XPOT: variants seen among roughly 807,000 people sequenced by gnomAD.
XPOT encodes exportin-T.
In XPOT, 34 loss-of-function variants were observed where a neutral mutation model predicts 128.2. That is an observed-to-expected ratio of 0.27 (90% CI 0.20 to 0.35). XPOT has a LOEUF of 0.35. Ranked by LOEUF, XPOT falls within the 10% of genes least tolerant of loss-of-function variation. The pLI, the probability that XPOT is intolerant of heterozygous loss-of-function variation, is 1.00. For synonymous variants in XPOT, 348 were observed against 394.3 expected, an observed-to-expected ratio of 0.88 and a Z score of 1.39; for missense variants, 838 against 1,125.3, an observed-to-expected ratio of 0.74 and a Z score of 3.65.
chr12:64,447,915 A>G (rs1334949410), intron 24 of XPOT, among the ~76,000 whole-genome samples, 190 bp from the exon 25 acceptor site: 3 of 152,338 alleles, frequency 2.0e-5, no homozygotes, highest in Admixed American at 6.5e-5. Context: ...AGCATAAGTT[A>G]TATCTACACT....
At chr12:64,439,099 T>G (rs2040305085) in intron 22 of XPOT, 145 bp from the exon 23 acceptor site, 1 of 686,754 alleles carries the variant, frequency 1.5e-6, no homozygotes, top group African/African-American at 1.8e-5. Flanking sequence ...GAGCCAGGCT[T>G]CAAACCAAGG....
intron 23 of XPOT, among the ~76,000 whole-genome samples, chr12:64,442,008 A>AC: frequency 6.6e-6 from 1 of 152,200 alleles, no homozygotes; most frequent in African/African-American, 2.4e-5. Context: ...ACCTGATGGA[A>AC]CAGGGATATT....
rs773544001 is a variant in XPOT at position 64,423,024 on chromosome 12, A to T, written c.1100A>T (p.Gln367Leu). 1.2e-6 allele frequency: 2 copies of T among 1,613,520 alleles called. No homozygotes were observed. Among genetic ancestry groups the T allele is most frequent in the South Asian group, 2.2e-5 (2 of 90,940 alleles). The change falls in exon 10 of 25, where the codon CAG becomes CTG. Residue 367 changes from glutamine to leucine, a missense_variant. Gln to Leu is a moderately radical substitution (Grantham distance 113, BLOSUM62 -2). Around this residue, in one of 3 missense-constraint regions of XPOT, gnomAD observed 761 missense variants for 988.3 expected, o/e 0.77. Coordinates refer to ENST00000332707, the MANE Select transcript of XPOT (RefSeq NM_007235.6). Reference sequence around the variant, plus strand: ...TAACAGCTTACAGTGCTCTCGGATCAGCAAAAAGCTAATGTAGAGGTAATT... The same window carrying T: ...TAACAGCTTACAGTGCTCTCGGATCTGCAAAAAGCTAATGTAGAGGTAATT... The part of the protein sequence containing the change: ...ILKQLTVLSD[Q>L]QKANVEAIML...
chr12:64,444,990 T>TTA, intron 23 of XPOT, 85 bp from the exon 24 acceptor site: 3 of 728,274 alleles, frequency 4.1e-6, no homozygotes, highest in South Asian at 5.0e-5. Flanking sequence ...AAAAAAAAAT[T>TTA]AAAAAAAAAA....
At chr12:64,426,456 C>T (rs781276658) in intron 15 of XPOT, among the ~76,000 whole-genome samples, 10 of 151,984 alleles carry the variant, frequency 6.6e-5, no homozygotes, top group Non-Finnish European at 7.4e-5. Context: ...AAACAAATGC[C>T]ACATGTTCTC....
chr12:64,420,888 T>C (rs11175385), intron 8 of XPOT, among the ~76,000 whole-genome samples: 46,519 of 151,982 alleles, frequency 0.31, 7,649 homozygotes, highest in Middle Eastern at 0.48. Context: ...GCAACCTCCG[T>C]CTCCCGGGTT....
At chr12:64,435,773 T>C (rs1214813059) in intron 22 of XPOT, 99 bp downstream of exon 22, 1 of 1,251,848 alleles carries the variant, frequency 8.0e-7, no homozygotes, top group Admixed American at 2.7e-5. Context: ...AACTTTTGTT[T>C]TGACTTTTTG....
intron 22 of XPOT, among the ~76,000 whole-genome samples, chr12:64,438,548 C>T (rs543509007): frequency 6.6e-6 from 1 of 151,974 alleles, no homozygotes; most frequent in Non-Finnish European, 1.5e-5. Flanking sequence ...AACATAAATC[C>T]TTTGATTCAG....
chr12:64,442,168 T>C (rs779910837), intron 23 of XPOT, among the ~76,000 whole-genome samples: 6 of 152,158 alleles, frequency 3.9e-5, no homozygotes, highest in South Asian at 4.1e-4. Flanking sequence ...TCACCCAGGC[T>C]GGAGTGCAAT....
At chr12:64,421,038 GTAATCC>G (rs1299015342) in intron 8 of XPOT, among the ~76,000 whole-genome samples, 191 bp from the exon 9 acceptor site, 3 of 152,170 alleles carry the variant, frequency 2.0e-5, no homozygotes, top group Non-Finnish European at 1.5e-5. Flanking sequence ...TTGACCTCAG[GTAATCC>G]ACCCACTTCG....
intron 24 of XPOT, among the ~76,000 whole-genome samples, chr12:64,447,154 T>C (rs572060993): frequency 6.6e-6 from 1 of 152,272 alleles, no homozygotes; most frequent in African/African-American, 2.4e-5. Context: ...GGGAAAGACC[T>C]GCCCCCATGA....
chr12:64,408,104 C>T (rs973181735), intron 1 of XPOT, among the ~76,000 whole-genome samples: 1 of 152,070 alleles, frequency 6.6e-6, no homozygotes, highest in Admixed American at 6.6e-5. Context: ...ACAAAAAGCC[C>T]CACAGCCTTT....
intron 1 of XPOT, among the ~76,000 whole-genome samples, chr12:64,408,208 C>A (rs565040751): frequency 6.6e-6 from 1 of 152,278 alleles, no homozygotes; most frequent in Non-Finnish European, 1.5e-5. Context: ...CTCCTGGGTT[C>A]AAGCGATTCT....
At chr12:64,433,335 G>A in intron 18 of XPOT, 79 bp from the exon 19 acceptor site, 1 of 1,336,750 alleles carries the variant, frequency 7.5e-7, no homozygotes, top group Non-Finnish European at 1.0e-6. Context: ...GAAAAGAAAG[G>A]CTTTATGTAA....
chr12:64,406,716 T>C (rs2039986740), intron 1 of XPOT, among the ~76,000 whole-genome samples: 1 of 152,128 alleles, frequency 6.6e-6, no homozygotes, highest in South Asian at 2.1e-4. Context: ...AAGGAAGCTT[T>C]TATTGGACTT....
rs2040114973 is a variant in XPOT, at chr12:64,419,081, T to C, written c.476T>C (p.Val159Ala). The C allele has an allele frequency of 6.2e-7, 1 of 1,613,708 alleles. No individual in the cohort carries two copies. Among genetic ancestry groups the C allele is most frequent in the African/African-American group, 1.3e-5 (1 of 74,902 alleles). The part of the protein sequence containing the change: ...IDSELVDRDV[V>A]HTSEEARRNT... The stretch of plus-strand genomic sequence containing the variant: ...TCAGAGTTGGTGGATCGTGATGTGG[T>C]GCATACATCAGAGGCAAGTAACTAA... Residue 159 changes from valine (V) to alanine (A), a missense_variant, in exon 6 of 25, where the codon GTG becomes GCG. Val to Ala is a moderately conservative substitution (Grantham distance 64). Coordinates refer to ENST00000332707, the MANE Select transcript of XPOT (RefSeq NM_007235.6).
At chr12:64,439,830 T>C (rs2040310944) in intron 23 of XPOT, among the ~76,000 whole-genome samples, 2 of 152,232 alleles carry the variant, frequency 1.3e-5, no homozygotes, top group Non-Finnish European at 1.5e-5. Flanking sequence ...TTTCTTGGCA[T>C]ATAATTTTCC....
At chr12:64,428,145 T>C (rs963653525) in intron 16 of XPOT, 25 bp downstream of exon 16, 42 of 1,473,150 alleles carry the variant, frequency 2.9e-5, no homozygotes, top group Non-Finnish European at 3.6e-5. Context: ...CTTTAAGATA[T>C]TTTACCCAGA....
chr12:64,446,959 A>G (rs2040371357), intron 24 of XPOT, among the ~76,000 whole-genome samples: 1 of 152,178 alleles, frequency 6.6e-6, no homozygotes, highest in Non-Finnish European at 1.5e-5. Flanking sequence ...AATTTACAAA[A>G]TAGCTTTATT....
Sources: gnomAD v4.1 joint callset for allele counts (sites outside exome capture counted in the v4.1 genomes callset) on GRCh38, gnomAD v4.1.1 for gene constraint, gnomAD v4.1.1 regional missense constraint, MANE v1.5 for transcripts, NCBI Gene and HGNC (gene_info 2026-07-23, HGNC 2026-07-21) for gene names.